The following PSME4 variants were observed in gnomAD, a reference collection of about 807,000 sequenced individuals.
PSME4 encodes the protein proteasome activator subunit 4.
Under a neutral mutation model 253.9 loss-of-function variants are expected in PSME4, and 89 were observed. The observed-to-expected ratio is 0.35, with a 90% CI of 0.30 to 0.42. The LOEUF is 0.42. PSME4 is among the 10% of genes least tolerant of loss of function. The probability of loss-of-function intolerance (pLI) is 1.00; values close to 1 mark genes in which losing one functional copy is unlikely to be tolerated. For synonymous variants in PSME4, 851 were observed against 759.2 expected (o/e 1.12, Z -1.99); for missense variants, 2,014 against 2,195.2 (o/e 0.92, Z 1.65).
intron 1 of PSME4, among the ~76,000 whole-genome samples, chr2:53,962,232 T>A (rs1483157644): frequency 1.3e-5 from 2 of 152,204 alleles, no homozygotes; most frequent in African/African-American, 4.8e-5. Context: ...TATTTATTCC[T>A]AATTAGATGG....
chr2:53,888,128 A>G (rs773386788), intron 38 of PSME4, 139 bp from the exon 39 acceptor site: 89 of 737,182 alleles, frequency 1.2e-4, no homozygotes, highest in Non-Finnish European at 1.3e-4. Context: ...TCCACAACTC[A>G]AAATAGCCTC....
chr2:53,888,663 A>C lies in PSME4; in HGVS notation c.4388+58T>G. 2.5e-6 allele frequency: 3 copies of C among 1,193,448 alleles called. No individual in the cohort carries two copies. In the South Asian group the frequency reaches 3.8e-5, roughly 15 times the overall value. The allele number at this position is 1,193,448 out of a possible 1,614,324, so 73.9% of individuals were successfully genotyped here. On this transcript the variant is annotated intron_variant, in intron 38 of 46. Coordinates refer to ENST00000404125, the MANE Select transcript of PSME4 (RefSeq NM_014614.3). Reference sequence around the variant, plus strand: ...GTATAGACCATTCATTTCCATTTATACATAAGTTAACACAAAACCTTTCGT... The same window carrying C: ...GTATAGACCATTCATTTCCATTTATCCATAAGTTAACACAAAACCTTTCGT...
In PSME4 at chr2:53,897,743, G is replaced by T. The variant is rs979998664; in HGVS notation, c.3606+127C>A. 4 of 1,056,412 alleles carry T rather than the reference G, an allele frequency of 3.8e-6. No individual in the cohort carries two copies. The African/African-American group carries it at 6.4e-5, about 17-fold the overall frequency. The allele number at this position is 1,056,412 out of a possible 1,614,324, so 65.4% of individuals were successfully genotyped here. ...ATTATCATCTCTGAATCAACAGGGG[G>T]AGATTTCAAATCAATACACTTCAAG... On this transcript the variant is annotated intron_variant, in intron 31 of 46. Coordinates refer to ENST00000404125, the MANE Select transcript of PSME4 (RefSeq NM_014614.3).
At chr2:53,905,405 T>TA (rs1298697496) in intron 26 of PSME4, among the ~76,000 whole-genome samples, 1 of 152,038 alleles carries the variant, frequency 6.6e-6, no homozygotes, top group Non-Finnish European at 1.5e-5. Flanking sequence ...ATCCTTTATC[T>TA]AAAATGTTCA....
Position 53,875,657 on chromosome 2 carries a change from T to C in PSME4, c.4914A>G (p.Gln1638=), listed in dbSNP as rs377389910. Reference sequence around the variant, plus strand: ...TTAGCACCTGAAGTACCAAAGGCACTTGATGAGGGTAAAGCAACCCCTGAG... The same window carrying C: ...TTAGCACCTGAAGTACCAAAGGCACCTGATGAGGGTAAAGCAACCCCTGAG... ...LMSQGLLYPH[Q]VPLVLQVLKQ... Residue 1638 remains glutamine, a synonymous_variant, in exon 42 of 47, where the codon CAA becomes CAG. Coordinates refer to ENST00000404125, the MANE Select transcript of PSME4 (RefSeq NM_014614.3). 7.5e-5 allele frequency: 121 copies of C among 1,610,976 alleles called. 1 individual carries two copies. Among genetic ancestry groups the C allele is most frequent in the Non-Finnish European group, 1.0e-4 (119 of 1,178,674 alleles).
intron 1 of PSME4, among the ~76,000 whole-genome samples, chr2:53,970,076 A>G (rs956642162): frequency 1.3e-5 from 2 of 152,232 alleles, no homozygotes; most frequent in African/African-American, 4.8e-5. Flanking sequence ...ACTAGACGCC[A>G]ACGGAGATGC....
At position 53,864,653 on chromosome 2, in the gene PSME4, TATAAC is replaced by T. The variant is rs1300234190; in HGVS notation, c.*920_*924del. ...CAGTTTATACACTCTTTTACATTTA[TATAAC>T]ATATTAAACAAATCAATTAAATATT... is the stretch of plus-strand genomic sequence containing the variant. On this transcript the variant is annotated 3_prime_UTR_variant, in exon 47 of 47. Coordinates refer to ENST00000404125, the MANE Select transcript of PSME4 (RefSeq NM_014614.3). The T allele has an allele frequency of 6.6e-6, 1 of 152,630 alleles. No homozygotes were observed. The highest frequency in any genetic ancestry group is 2.4e-5 in the African/African-American group (1 of 41,454). The allele number at this position is 152,630 out of a possible 1,614,324, so 9.5% of individuals were successfully genotyped here. A position where few individuals can be genotyped will look rare whatever the true frequency, so the allele number is the denominator to read the frequency against.
chr2:53,881,456 C>T (rs1178737345), intron 41 of PSME4: 2 of 152,084 alleles, frequency 1.3e-5, no homozygotes, highest in African/African-American at 2.4e-5. Context: ...TGTACTTTAC[C>T]ACTGTGCTTT....
intron 37 of PSME4, 38 bp from the exon 38 acceptor site, chr2:53,888,850 C>A (rs1679758981): frequency 7.0e-7 from 1 of 1,435,398 alleles, no homozygotes; most frequent in Non-Finnish European, 9.8e-7. Flanking sequence ...CAACAGAGAA[C>A]CTACAATTCT....
In PSME4 at chr2:53,970,563, G is replaced by C. The variant is rs1337360919; in HGVS notation, c.222C>G (p.Phe74Leu). ...CTTACGTGGAGAGTTTCCTGGTCCA[G>C]AAGAGGCCCCCGGGCCACAGCTCTT... ...QLQELWPGGL[F>L]WTRKLSTYIR... is the part of the protein sequence containing the mutation. The change falls in exon 1 of 47, where the codon TTC becomes TTG. Residue 74 changes from phenylalanine (F) to leucine (L), a missense_variant. Coordinates refer to ENST00000404125, the MANE Select transcript of PSME4 (RefSeq NM_014614.3). 2 of 1,548,300 alleles carry C rather than the reference G, an allele frequency of 1.3e-6. No homozygotes were observed. The highest frequency in any genetic ancestry group is 1.7e-6 in the Non-Finnish European group (2 of 1,146,824).
At chr2:53,886,920 T>C (rs1679665937) in intron 40 of PSME4, among the ~76,000 whole-genome samples, 3 of 152,146 alleles carry the variant, frequency 2.0e-5, no homozygotes, top group South Asian at 4.1e-4. Context: ...AAAAGACTTA[T>C]GATTCAACTT....
chr2:53,898,074 C>T, intron 30 of PSME4, 75 bp from the exon 31 acceptor site: 3 of 1,482,218 alleles, frequency 2.0e-6, no homozygotes, highest in Non-Finnish European at 2.8e-6. Flanking sequence ...TGTGAAACAC[C>T]TTATAATTTT....
At chr2:53,950,467 A>G (rs1222423226) in intron 1 of PSME4, among the ~76,000 whole-genome samples, 6 of 152,220 alleles carry the variant, frequency 3.9e-5, no homozygotes, top group African/African-American at 1.4e-4. Flanking sequence ...ATAATTTAAT[A>G]TTTTATCCAA....
chr2:53,917,511 A>G (rs769726813), intron 20 of PSME4, among the ~76,000 whole-genome samples: 4 of 152,176 alleles, frequency 2.6e-5, no homozygotes, highest in Admixed American at 6.5e-5. Flanking sequence ...GCTGATACGA[A>G]CTGCAAGGAA....
chr2:53,929,550 C>T (rs1401001621), intron 10 of PSME4, among the ~76,000 whole-genome samples: 1 of 150,624 alleles, frequency 6.6e-6, no homozygotes. Context: ...CTTCCTCAGA[C>T]TTCCAAAGTC....
rs116801171 is a variant in PSME4 at position 53,869,391 on chromosome 2, T to C, written c.5248A>G (p.Thr1750Ala). 689 of 1,607,870 alleles carry C rather than the reference T, an allele frequency of 4.3e-4. 3 individuals are homozygous for C. The African/African-American group carries it at 7.2e-3, about 17-fold the overall frequency. ...RKRDPGSVGD[T>A]IPSAELVKRH... ...GCAATGTTACCTGCAGAAGGAATGG[T>C]ATCTCCTACAGAACCAGGGTCTCGC... Residue 1750 changes from threonine to alanine, a missense_variant, in exon 44 of 47, where the codon ACC (threonine) becomes GCC (alanine). Thr to Ala is a moderately conservative substitution (Grantham distance 58). Coordinates refer to ENST00000404125, the MANE Select transcript of PSME4 (RefSeq NM_014614.3).
intron 26 of PSME4, among the ~76,000 whole-genome samples, chr2:53,905,042 C>T (rs1217240758): frequency 6.9e-6 from 1 of 145,586 alleles, no homozygotes; most frequent in Non-Finnish European, 1.5e-5. Context: ...TTACTATAAC[C>T]AGTTTTTTTT....
intron 36 of PSME4, 151 bp from the exon 37 acceptor site, chr2:53,890,359 T>A (rs1383677931): frequency 1.6e-6 from 1 of 608,346 alleles, no homozygotes; most frequent in Non-Finnish European, 2.9e-6. Flanking sequence ...CAGGCTGGAG[T>A]GCAGTGGAAT....
chr2:53,914,068 G>A (rs1667950152), intron 20 of PSME4, among the ~76,000 whole-genome samples: 1 of 152,166 alleles, frequency 6.6e-6, no homozygotes, highest in African/African-American at 2.4e-5. Context: ...TAAAAGCTGA[G>A]ATCCTAAGGA....
Sources: gnomAD v4.1 joint callset for allele counts (sites outside exome capture counted in the v4.1 genomes callset) on GRCh38, gnomAD v4.1.1 for gene constraint, MANE v1.5 for transcripts, NCBI Gene and HGNC (gene_info 2026-07-23, HGNC 2026-07-21) for gene names.